KCNH5: variants seen among roughly 807,000 people sequenced by gnomAD.
KCNH5 encodes the protein potassium voltage-gated channel subfamily H member 5.
In KCNH5, 46 loss-of-function variants were observed where a neutral mutation model predicts 96.1. The ratio of observed to expected loss-of-function variants is 0.48; its 90% CI spans 0.38 to 0.61. The LOEUF (loss-of-function observed/expected upper bound fraction) is 0.61, where lower values mean the gene tolerates loss of function less well. KCNH5 is among the 20% of genes least tolerant of loss of function. The probability of loss-of-function intolerance (pLI) is 0.00; values close to 1 mark genes in which losing one functional copy is unlikely to be tolerated. For synonymous variants in KCNH5, 439 were observed against 449.8 expected (o/e 0.98, Z 0.30); for missense variants, 907 against 1,225.8 (o/e 0.74, Z 3.88).
intron 4 of KCNH5, among the ~76,000 whole-genome samples, chr14:62,996,484 A>G (rs1261906243): frequency 6.6e-6 from 1 of 152,132 alleles, no homozygotes; most frequent in Non-Finnish European, 1.5e-5. Context: ...TGTCTATCAA[A>G]CTCATAGTTA....
At chr14:62,733,608 TTG>T (rs1216042254) in intron 10 of KCNH5, among the ~76,000 whole-genome samples, 1 of 152,196 alleles carries the variant, frequency 6.6e-6, no homozygotes, top group Non-Finnish European at 1.5e-5. Flanking sequence ...AACTTAGCTT[TTG>T]TGCCACTATT....
intron 9 of KCNH5, among the ~76,000 whole-genome samples, chr14:62,781,649 T>G (rs1181292573): frequency 6.6e-6 from 1 of 152,212 alleles, no homozygotes; most frequent in African/African-American, 2.4e-5. Flanking sequence ...CCATTTGCTT[T>G]TGAAAGAAGA....
chr14:62,937,359 T>G (rs1289329048), intron 7 of KCNH5, among the ~76,000 whole-genome samples: 4 of 152,184 alleles, frequency 2.6e-5, no homozygotes, highest in Non-Finnish European at 4.4e-5. Context: ...GCTGGATTGG[T>G]ATTTGTAAGA....
At chr14:62,891,704 C>A (rs1888714818) in intron 7 of KCNH5, among the ~76,000 whole-genome samples, 1 of 152,102 alleles carries the variant, frequency 6.6e-6, no homozygotes, top group African/African-American at 2.4e-5. Context: ...CTATTGATGT[C>A]ATTTTTCGAA....
chr14:62,838,551 G>A (rs10047856), intron 8 of KCNH5, among the ~76,000 whole-genome samples: 16,399 of 152,136 alleles, frequency 0.11, 1,110 homozygotes, highest in East Asian at 0.29. Flanking sequence ...TCTGGGGTGC[G>A]TAGTATGAAG....
chr14:62,845,317 A>C (rs1221075153), intron 8 of KCNH5, among the ~76,000 whole-genome samples: 1 of 152,208 alleles, frequency 6.6e-6, no homozygotes, highest in East Asian at 1.9e-4. Flanking sequence ...TAAGGAATTT[A>C]TATTATTACT....
intron 8 of KCNH5, among the ~76,000 whole-genome samples, chr14:62,811,461 T>C (rs1886871493): frequency 6.6e-6 from 1 of 152,192 alleles, no homozygotes; most frequent in Non-Finnish European, 1.5e-5. Flanking sequence ...TCCTTTTTAC[T>C]GGCATGTCCC....
intron 8 of KCNH5, among the ~76,000 whole-genome samples, chr14:62,845,170 G>A (rs1887665694): frequency 6.6e-6 from 1 of 151,976 alleles, no homozygotes; most frequent in East Asian, 1.9e-4. Context: ...GTAATAAAAT[G>A]TATTTGGCTT....
chr14:62,985,671 A>AAG (rs1890689991), intron 5 of KCNH5, among the ~76,000 whole-genome samples: 1 of 152,014 alleles, frequency 6.6e-6, no homozygotes, highest in East Asian at 1.9e-4. Flanking sequence ...TTCTGTCCTC[A>AAG]TTTTTTTTCT....
intron 7 of KCNH5, among the ~76,000 whole-genome samples, chr14:62,939,969 G>A (rs886609715): frequency 2.6e-5 from 4 of 152,052 alleles, no homozygotes; most frequent in East Asian, 1.9e-4. Flanking sequence ...GGAAGCTTAC[G>A]TACAATCTAT....
chr14:62,926,695 C>T (rs1889482573), intron 7 of KCNH5, among the ~76,000 whole-genome samples: 1 of 152,094 alleles, frequency 6.6e-6, no homozygotes, highest in Non-Finnish European at 1.5e-5. Context: ...TTGTCTCTCC[C>T]TCTTCTTATG....
At chr14:62,715,693 G>A (rs1223746757) in intron 10 of KCNH5, among the ~76,000 whole-genome samples, 1 of 152,072 alleles carries the variant, frequency 6.6e-6, no homozygotes, top group Non-Finnish European at 1.5e-5. Context: ...CTCTCCGAGG[G>A]CACAAAATGT....
chr14:62,726,676 T>C, intron 10 of KCNH5, among the ~76,000 whole-genome samples: 1 of 151,934 alleles, frequency 6.6e-6, no homozygotes, highest in Non-Finnish European at 1.5e-5. Context: ...CATAGAACCA[T>C]TTGGAAAACT....
intron 7 of KCNH5, among the ~76,000 whole-genome samples, chr14:62,919,485 C>T (rs1336461355): frequency 2.0e-5 from 3 of 152,106 alleles, no homozygotes; most frequent in African/African-American, 4.8e-5. Context: ...ATCTCACATT[C>T]CAAACTTGAA....
At chr14:62,780,044 A>G in intron 9 of KCNH5, 120 bp from the exon 10 acceptor site, 1 of 672,792 alleles carries the variant, frequency 1.5e-6, no homozygotes, top group Non-Finnish European at 2.3e-6. Context: ...TGAGGGTATA[A>G]CCACATCTAT....
At chr14:62,948,529 C>CA (rs1889937369) in intron 7 of KCNH5, among the ~76,000 whole-genome samples, 1 of 151,876 alleles carries the variant, frequency 6.6e-6, no homozygotes, top group Non-Finnish European at 1.5e-5. Context: ...AGCTTACCAA[C>CA]CAAAAAGAGT....
rs1276681729 is a variant in KCNH5, at chr14:63,045,304, G to T, written c.-118C>A. Reference sequence around the variant, plus strand: ...GAAGATTGAGCCGAAAGAAGAGGGGGCGCGGCGGCGGCGACGGGGTCCCCT... The same window carrying T: ...GAAGATTGAGCCGAAAGAAGAGGGGTCGCGGCGGCGGCGACGGGGTCCCCT... On this transcript the variant is annotated 5_prime_UTR_variant, in exon 1 of 11. Coordinates refer to ENST00000322893, the MANE Select transcript of KCNH5 (RefSeq NM_139318.5). 1 of 828,556 alleles carries T rather than the reference G, an allele frequency of 1.2e-6. No homozygotes were observed. The highest frequency in any genetic ancestry group is 2.0e-6 in the Non-Finnish European group (1 of 507,244). 51.3% of individuals were successfully genotyped at this position (828,556 alleles called of 1,614,324 possible).
intron 10 of KCNH5, among the ~76,000 whole-genome samples, chr14:62,753,357 C>T (rs1428304152): frequency 2.0e-5 from 3 of 151,988 alleles, no homozygotes; most frequent in African/African-American, 7.2e-5. Context: ...TGGAAAATAG[C>T]CTCAAAACGG....
chr14:62,845,613 C>G (rs1887675407), intron 8 of KCNH5, among the ~76,000 whole-genome samples: 1 of 152,090 alleles, frequency 6.6e-6, no homozygotes, highest in African/African-American at 2.4e-5. Flanking sequence ...TGATGTGGAC[C>G]AGGTGATAGA....
Sources: allele counts gnomAD v4.1 joint callset (sites outside exome capture counted in the v4.1 genomes callset), GRCh38; gene constraint gnomAD v4.1.1; transcripts MANE v1.5; gene names NCBI Gene and HGNC (gene_info 2026-07-23, HGNC 2026-07-21).